Variants in MAN2A1 observed in about 807,000 individuals in gnomAD.
The protein encoded by MAN2A1 is alpha-mannosidase 2.
Under a neutral mutation model 142.6 loss-of-function variants are expected in MAN2A1, and 76 were observed. That is an observed-to-expected ratio of 0.53 (90% confidence interval 0.44 to 0.65). MAN2A1 has a LOEUF of 0.65. MAN2A1 is among the 30% of genes least tolerant of loss of function. The pLI, the probability that MAN2A1 is intolerant of heterozygous loss-of-function variation, is 0.00. For synonymous variants in MAN2A1, 559 were observed against 473.2 expected, an observed-to-expected ratio of 1.18 and a Z score of -2.35; for missense variants, 1,311 against 1,365.1, an observed-to-expected ratio of 0.96 and a Z score of 0.62.
At chr5:109,730,852 G>A (rs1321337073) in intron 4 of MAN2A1, among the ~76,000 whole-genome samples, 2 of 152,170 alleles carry the variant, frequency 1.3e-5, no homozygotes, top group Admixed American at 1.3e-4. Flanking sequence ...TCCAGAGGCT[G>A]TCTTCTTTGC....
chr5:109,820,070 T>TG, intron 14 of MAN2A1, 150 bp from the exon 15 acceptor site: 1 of 777,036 alleles, frequency 1.3e-6, no homozygotes, highest in South Asian at 1.8e-5. Context: ...GTATAGTCTG[T>TG]GGGTGGCGCT....
chr5:109,803,516 A>G (rs1267406514), intron 12 of MAN2A1, among the ~76,000 whole-genome samples: 1 of 152,046 alleles, frequency 6.6e-6, no homozygotes, highest in Non-Finnish European at 1.5e-5. Context: ...TCCATCAAGG[A>G]CCATAATCAG....
At chr5:109,866,271 A>G (rs1449786170) in intron 21 of MAN2A1, among the ~76,000 whole-genome samples, 1 of 152,144 alleles carries the variant, frequency 6.6e-6, no homozygotes, top group East Asian at 1.9e-4. Context: ...ATCCAGAGAG[A>G]CAGATAACAT....
In MAN2A1 at chr5:109,869,287, C is replaced by T. The variant is rs1303090808; in HGVS notation, c.*2289C>T. The T allele has an allele frequency of 6.6e-6, 1 of 152,096 alleles. No homozygotes were observed. Among genetic ancestry groups the T allele is most frequent in the Non-Finnish European group, 1.5e-5 (1 of 68,012 alleles). 9.4% of individuals were successfully genotyped at this position (152,096 alleles called of 1,614,324 possible). On this transcript the variant is annotated 3_prime_UTR_variant, in exon 22 of 22. Coordinates refer to ENST00000261483, the MANE Select transcript of MAN2A1 (RefSeq NM_002372.4). ...TTATTATTACAGATGTTCAGTTGAC[C>T]AAGTAGTTCAGTGTTTTCTTTCCTT...
rs550571169 is a variant in MAN2A1, at chr5:109,743,871, A to C, written c.708-11458A>C. ...CACAGGCCACTATCCTTTGCCTGAC[A>C]CATACTGACTTTTTCTGTCTGATTC... is the stretch of plus-strand genomic sequence containing the variant. On this transcript the variant is annotated intron_variant, in intron 4 of 21. Coordinates refer to ENST00000261483, the MANE Select transcript of MAN2A1 (RefSeq NM_002372.4). 8.5e-5 allele frequency among the ~76,000 whole-genome samples: 13 copies of C among 152,182 alleles called. No individual in the cohort carries two copies. The East Asian group carries it at 2.5e-3, about 29-fold the overall frequency.
At chr5:109,844,692 G>C (rs997298743) in intron 17 of MAN2A1, among the ~76,000 whole-genome samples, 4 of 152,256 alleles carry the variant, frequency 2.6e-5, no homozygotes, top group East Asian at 3.9e-4. Context: ...GCTTCTAGTG[G>C]TTGCCTATGC....
In MAN2A1 at chr5:109,729,328, G is replaced by C. The variant is rs375765536; in HGVS notation, c.536-14G>C. The C allele has an allele frequency of 1.9e-4, 295 of 1,574,856 alleles. No homozygotes were observed. Among genetic ancestry groups the C allele is most frequent in the Non-Finnish European group, 2.3e-4 (263 of 1,156,432 alleles). ...CGAATTAGACCTTTGTGGTATATTT[G>C]TGTCTTGATTTAGGTTGGTTGAAGA... On this transcript the variant is annotated splice_polypyrimidine_tract_variant and intron_variant, in intron 3 of 21. Coordinates refer to ENST00000261483, the MANE Select transcript of MAN2A1 (RefSeq NM_002372.4).
rs1370316158 is a variant in MAN2A1 at position 109,845,929 on chromosome 5, T to C, written c.2765T>C (p.Met922Thr). Residue 922 changes from methionine to threonine, a missense_variant, in exon 18 of 22, where the codon ATG (methionine) becomes ACG (threonine). Met to Thr is a moderately conservative substitution (Grantham distance 81). Coordinates refer to ENST00000261483, the MANE Select transcript of MAN2A1 (RefSeq NM_002372.4). ...GCAAATGTCTATCCCATGACCACAA[T>C]GGCCTATATCCAGGATGCCAAACAT... The part of the protein sequence containing the change: ...LQANVYPMTT[M>T]AYIQDAKHRL... 6 of 1,613,838 alleles carry C rather than the reference T, an allele frequency of 3.7e-6. No individual in the cohort carries two copies. Among genetic ancestry groups the C allele is most frequent in the Admixed American group, 1.7e-5 (1 of 60,018 alleles).
Position 109,690,342 on chromosome 5 carries a change from G to C in MAN2A1, c.-76G>C. On this transcript the variant is annotated 5_prime_UTR_variant, in exon 1 of 22. Transcript: ENST00000261483. ...GCCCGGGAGAAGGGAGCCTCCGGCG[G>C]CTGCTTCCTAGAGTCCACAGTGCGC... 6.5e-7 allele frequency: 1 copy of C among 1,528,928 alleles called. No individual in the cohort carries two copies. Among genetic ancestry groups the C allele is most frequent in the Non-Finnish European group, 9.0e-7 (1 of 1,105,316 alleles). 94.7% of individuals were successfully genotyped at this position (1,528,928 alleles called of 1,614,324 possible).
chr5:109,760,685 A>G (rs1288277551), intron 5 of MAN2A1, among the ~76,000 whole-genome samples: 1 of 152,094 alleles, frequency 6.6e-6, no homozygotes, highest in Non-Finnish European at 1.5e-5. Context: ...CTGGGGTGAG[A>G]TGGTATCTCA....
At chr5:109,767,327 G>A (rs1753018911) in intron 5 of MAN2A1, among the ~76,000 whole-genome samples, 2 of 152,126 alleles carry the variant, frequency 1.3e-5, no homozygotes, top group South Asian at 4.1e-4. Flanking sequence ...ATTTCAGTGA[G>A]CATCCTCTGC....
At chr5:109,732,742 C>T (rs10477975) in intron 4 of MAN2A1, among the ~76,000 whole-genome samples, 1 of 151,924 alleles carries the variant, frequency 6.6e-6, no homozygotes, top group African/African-American at 2.4e-5. Context: ...TGGTACCAGT[C>T]CCATGCTGTT....
chr5:109,742,249 A>T (rs1397482498), intron 4 of MAN2A1, among the ~76,000 whole-genome samples: 1 of 152,212 alleles, frequency 6.6e-6, no homozygotes, highest in Non-Finnish European at 1.5e-5. Flanking sequence ...AGAACCTAAG[A>T]ACAGTTTATA....
chr5:109,793,872 T>C (rs1265179593), intron 12 of MAN2A1, among the ~76,000 whole-genome samples: 2 of 152,216 alleles, frequency 1.3e-5, no homozygotes, highest in African/African-American at 4.8e-5. Flanking sequence ...ATGATCAACA[T>C]AGCCTGATTC....
chr5:109,836,367 C>T (rs768043477), intron 16 of MAN2A1, among the ~76,000 whole-genome samples: 38 of 151,822 alleles, frequency 2.5e-4, no homozygotes, highest in Non-Finnish European at 4.7e-4. Flanking sequence ...CCACCCACCT[C>T]GGCCTCCCAA....
chr5:109,867,132 C>CT lies in MAN2A1; in HGVS notation c.*140dup. 4.3e-6 allele frequency: 1 copy of CT among 230,024 alleles called. No homozygotes were observed. The highest frequency in any genetic ancestry group is 6.8e-6 in the Non-Finnish European group (1 of 146,458). The allele number at this position is 230,024 out of a possible 1,614,324, so 14.2% of individuals were successfully genotyped here. A position where few individuals can be genotyped will look rare whatever the true frequency, so the allele number is the denominator to read the frequency against. On this transcript the variant is annotated 3_prime_UTR_variant, in exon 22 of 22. Transcript: ENST00000261483. ...AATTCTGTGATTCTGTGGGTTTTTTCTTTTTTCTTTTACCAGTACAGTAAG... is the reference window on the plus strand; with the variant it reads ...AATTCTGTGATTCTGTGGGTTTTTTCTTTTTTTCTTTTACCAGTACAGTAAG...
At chr5:109,843,954 A>G (rs1580310543) in intron 17 of MAN2A1, among the ~76,000 whole-genome samples, 2 of 152,122 alleles carry the variant, frequency 1.3e-5, no homozygotes, top group South Asian at 2.1e-4. Context: ...GATTTTAATA[A>G]TTTTCTCTTC....
At chr5:109,858,598 A>T (rs1183421134) in intron 20 of MAN2A1, among the ~76,000 whole-genome samples, 1 of 152,242 alleles carries the variant, frequency 6.6e-6, no homozygotes, top group East Asian at 1.9e-4. Context: ...AATAATGTCA[A>T]AATAGACATA....
intron 15 of MAN2A1, among the ~76,000 whole-genome samples, chr5:109,820,663 G>A (rs894542643): frequency 6.6e-6 from 1 of 152,076 alleles, no homozygotes; most frequent in East Asian, 1.9e-4. Context: ...ACAAAAATTA[G>A]GCATGGTGGC....
Sources: gnomAD v4.1 joint callset for allele counts (sites outside exome capture counted in the v4.1 genomes callset) on GRCh38, gnomAD v4.1.1 for gene constraint, MANE v1.5 for transcripts, NCBI Gene and HGNC (gene_info 2026-07-23, HGNC 2026-07-21) for gene names.